NAMPT: variants seen among roughly 807,000 people sequenced by gnomAD.
The protein encoded by NAMPT is nicotinamide phosphoribosyltransferase, also known as NAmPRTase.
In NAMPT, 7 loss-of-function variants were observed where a neutral mutation model predicts 58.7. That is an observed-to-expected ratio of 0.12 (90% CI 0.07 to 0.22). NAMPT has a LOEUF of 0.22. NAMPT is among the 10% of genes least tolerant of loss of function. NAMPT has a pLI of 1.00. For synonymous variants in NAMPT, 145 were observed against 198.1 expected, an observed-to-expected ratio of 0.73 and a Z score of 2.25; for missense variants, 271 against 567.9, an observed-to-expected ratio of 0.48 and a Z score of 5.31.
At chr7:106,279,693 T>C (rs577824341) in intron 1 of NAMPT, among the ~76,000 whole-genome samples, 2 of 152,238 alleles carry the variant, frequency 1.3e-5, no homozygotes, top group South Asian at 2.1e-4. Context: ...ACACTGAGGA[T>C]GAGAAAGTAA....
chr7:106,281,125 A>T (rs147850470), intron 1 of NAMPT, among the ~76,000 whole-genome samples: 1,799 of 151,212 alleles, frequency 0.012, 17 homozygotes, highest in Non-Finnish European at 0.02. Context: ...CAAATGATGG[A>T]CAGCTGTTTC....
chr7:106,269,360 T>C, intron 4 of NAMPT, 48 bp from the exon 5 acceptor site: 1 of 1,533,954 alleles, frequency 6.5e-7, no homozygotes, highest in African/African-American at 1.4e-5. Flanking sequence ...AAATACTGCA[T>C]TCTTTCTGAG....
rs950724445 is a variant in NAMPT at position 106,250,034 on chromosome 7, T to A, written c.*1049A>T. The A allele has an allele frequency of 3.3e-5, 5 of 152,200 alleles. No homozygotes were observed. Among genetic ancestry groups the A allele is most frequent in the Admixed American group, 2.0e-4 (3 of 15,246 alleles). 9.4% of individuals were successfully genotyped at this position (152,200 alleles called of 1,614,324 possible). ...GGGCATTCAGTTTAAAATTAATAAA[T>A]GATGTCCATACAATTTAATATCCAA... is the stretch of plus-strand genomic sequence containing the variant. On this transcript the variant is annotated 3_prime_UTR_variant, in exon 11 of 11. Coordinates refer to ENST00000222553, the MANE Select transcript of NAMPT (RefSeq NM_005746.3).
In NAMPT at chr7:106,266,893, A is replaced by G. The variant is rs562633905; in HGVS notation, c.743+1571T>C. Among the ~76,000 whole-genome samples, 97 of 152,288 alleles carry G rather than the reference A, an allele frequency of 6.4e-4. 1 individual carries two copies. Among genetic ancestry groups the G allele is most frequent in the Middle Eastern group, 3.4e-3 (1 of 294 alleles). On this transcript the variant is annotated intron_variant, in intron 6 of 10. Coordinates refer to ENST00000222553, the MANE Select transcript of NAMPT (RefSeq NM_005746.3). Reference sequence around the variant, plus strand: ...TTAGAATAGCTAGCATGATGTGCACATAGTTAACATTCAGTGTCAAAATAT... The same window carrying G: ...TTAGAATAGCTAGCATGATGTGCACGTAGTTAACATTCAGTGTCAAAATAT...
At chr7:106,283,615 A>G (rs1792806673) in intron 1 of NAMPT, among the ~76,000 whole-genome samples, 1 of 152,214 alleles carries the variant, frequency 6.6e-6, no homozygotes, top group Non-Finnish European at 1.5e-5. Flanking sequence ...AGGTATTATC[A>G]CGTATACTTG....
At chr7:106,280,239 C>A (rs900763710) in intron 1 of NAMPT, among the ~76,000 whole-genome samples, 1 of 151,896 alleles carries the variant, frequency 6.6e-6, no homozygotes, top group South Asian at 2.1e-4. Context: ...GGAACTACGC[C>A]GATAAATTGG....
At chr7:106,279,359 T>C (rs572866073) in intron 1 of NAMPT, among the ~76,000 whole-genome samples, 3 of 152,342 alleles carry the variant, frequency 2.0e-5, no homozygotes, top group African/African-American at 7.2e-5. Flanking sequence ...AGAAACACCA[T>C]TTATTAACTA....
At chr7:106,284,121 A>AT (rs1792816945) in intron 1 of NAMPT, among the ~76,000 whole-genome samples, 3 of 152,188 alleles carry the variant, frequency 2.0e-5, no homozygotes, top group Admixed American at 1.3e-4. Context: ...TCCTGTAATG[A>AT]CCCTAAAGCA....
chr7:106,281,715 G>A (rs1282128705), intron 1 of NAMPT, among the ~76,000 whole-genome samples: 2 of 152,098 alleles, frequency 1.3e-5, no homozygotes, highest in Non-Finnish European at 2.9e-5. Context: ...ACTGCTATTT[G>A]GCTTTGAAGC....
intron 1 of NAMPT, among the ~76,000 whole-genome samples, chr7:106,283,697 T>C (rs4730155): frequency 0.5 from 76,624 of 152,064 alleles, 22,174 homozygotes; most frequent in East Asian, 0.89. Context: ...AAAAGACAAC[T>C]TGTTGATGGA....
At chr7:106,262,354 A>G (rs375673364) in intron 7 of NAMPT, among the ~76,000 whole-genome samples, 121 of 152,234 alleles carry the variant, frequency 7.9e-4, no homozygotes, top group African/African-American at 2.7e-3. Context: ...TTCTCTTCCC[A>G]CAACAATCAT....
chr7:106,270,897 G>C (rs1586022060), intron 4 of NAMPT, among the ~76,000 whole-genome samples: 1 of 152,130 alleles, frequency 6.6e-6, no homozygotes, highest in Non-Finnish European at 1.5e-5. Flanking sequence ...ATTAAGTTTT[G>C]GGGTAGTTTG....
At chr7:106,260,232 TTAGC>T (rs1792279767) in intron 8 of NAMPT, among the ~76,000 whole-genome samples, 1 of 152,226 alleles carries the variant, frequency 6.6e-6, no homozygotes, top group Non-Finnish European at 1.5e-5. Flanking sequence ...ATCAATGATC[TTAGC>T]TAGATCTTCT....
chr7:106,252,147 G>T (rs1374682672), intron 10 of NAMPT, among the ~76,000 whole-genome samples: 1 of 151,940 alleles, frequency 6.6e-6, no homozygotes, highest in African/African-American at 2.4e-5. Context: ...TCTTAAATCA[G>T]TGTCTTTTAA....
In NAMPT at chr7:106,263,621, G is replaced by GA. The variant is rs199929566; in HGVS notation, c.744-5dup. On this transcript the variant is annotated splice_region_variant and splice_polypyrimidine_tract_variant and intron_variant, in intron 6 of 10. Coordinates refer to ENST00000222553, the MANE Select transcript of NAMPT (RefSeq NM_005746.3). ...TTTCCCCCAAGCTGTTATGGTACTA[G>GA]AAAAAAAAATGAAAACACAGATTTA... 3.2e-4 allele frequency: 500 copies of GA among 1,585,308 alleles called. No individual in the cohort carries two copies. Among genetic ancestry groups the GA allele is most frequent in the Non-Finnish European group, 3.6e-4 (420 of 1,161,494 alleles).
chr7:106,252,956 T>G lies in NAMPT; in HGVS notation c.1365+61A>C, dbSNP rs1390559184. 2.6e-6 allele frequency: 4 copies of G among 1,558,236 alleles called. No homozygotes were observed. In the African/African-American group the frequency reaches 5.5e-5, roughly 22 times the overall value. On this transcript the variant is annotated intron_variant, in intron 10 of 10. Transcript: ENST00000222553. ...AACAATAACATAAAAACCTCCTTTC[T>G]TATTAATTTGGTGAGCCAACCTACT... is the stretch of plus-strand genomic sequence containing the variant.
intron 8 of NAMPT, among the ~76,000 whole-genome samples, chr7:106,256,426 C>T (rs368997321): frequency 3.7e-4 from 56 of 152,264 alleles, no homozygotes; most frequent in Middle Eastern, 3.4e-3. Context: ...GCAAATAAAG[C>T]AGATTTTTCA....
chr7:106,271,699 T>C (rs952993756), intron 4 of NAMPT, among the ~76,000 whole-genome samples: 34 of 152,176 alleles, frequency 2.2e-4, no homozygotes, highest in Middle Eastern at 3.2e-3. Context: ...CTCTTATATT[T>C]CGATGTTTTC....
At chr7:106,252,976 C>A (rs371053323) in intron 10 of NAMPT, 41 bp downstream of exon 10, 31 of 1,594,560 alleles carry the variant, frequency 1.9e-5, no homozygotes, top group South Asian at 3.4e-5. Flanking sequence ...GGTGAGCCAA[C>A]CTACTATTGC....
Sources: allele counts gnomAD v4.1 joint callset (sites outside exome capture counted in the v4.1 genomes callset), GRCh38; gene constraint gnomAD v4.1.1; transcripts MANE v1.5; gene names NCBI Gene and HGNC (gene_info 2026-07-23, HGNC 2026-07-21).